LPAR1: variants seen among roughly 807,000 people sequenced by gnomAD.
LPAR1 encodes lysophosphatidic acid receptor 1.
Under a neutral mutation model 23.8 loss-of-function variants are expected in LPAR1, and 5 were observed. That is an observed-to-expected ratio of 0.21 (90% CI 0.11 to 0.44). The LOEUF is 0.44. LPAR1 is among the 20% of genes least tolerant of loss of function. The probability of loss-of-function intolerance (pLI) is 0.99; values close to 1 mark genes in which losing one functional copy is unlikely to be tolerated. For synonymous variants in LPAR1, 160 were observed against 164.7 expected (o/e 0.97, Z 0.22); for missense variants, 311 against 482.8 (o/e 0.64, Z 3.33).
chr9:110,925,509 A>G (rs989255046), intron 5 of LPAR1, among the ~76,000 whole-genome samples: 2 of 152,206 alleles, frequency 1.3e-5, no homozygotes, highest in Non-Finnish European at 2.9e-5. Flanking sequence ...CTAGAGGATG[A>G]ATTTCTGGAT....
At chr9:110,909,219 C>T (rs1195974014) in intron 5 of LPAR1, among the ~76,000 whole-genome samples, 1 of 152,228 alleles carries the variant, frequency 6.6e-6, no homozygotes, top group Non-Finnish European at 1.5e-5. Flanking sequence ...CCAAGAAAAG[C>T]CTTCTTCCTT....
At chr9:110,990,962 C>T (rs1384264385) in intron 2 of LPAR1, among the ~76,000 whole-genome samples, 3 of 152,098 alleles carry the variant, frequency 2.0e-5, no homozygotes, top group Non-Finnish European at 4.4e-5. Context: ...ATTTTCTCCA[C>T]TTTTAAATAT....
intron 5 of LPAR1, among the ~76,000 whole-genome samples, chr9:110,894,085 G>C (rs901582816): frequency 1.3e-5 from 2 of 152,062 alleles, no homozygotes; most frequent in African/African-American, 2.4e-5. Flanking sequence ...TTATTTACCA[G>C]TTTAAAACAA....
At chr9:111,021,124 G>A (rs1301603807) in intron 2 of LPAR1, among the ~76,000 whole-genome samples, 1 of 152,174 alleles carries the variant, frequency 6.6e-6, no homozygotes, top group Non-Finnish European at 1.5e-5. Flanking sequence ...ATACTGGTAA[G>A]AAAAGCTGAG....
chr9:110,918,579 G>A (rs1306372616), intron 5 of LPAR1, among the ~76,000 whole-genome samples: 1 of 152,110 alleles, frequency 6.6e-6, no homozygotes, highest in East Asian at 1.9e-4. Flanking sequence ...TCCTTGAGGT[G>A]AGTGGACAGA....
intron 5 of LPAR1, among the ~76,000 whole-genome samples, chr9:110,922,445 G>A (rs2093694206): frequency 6.6e-6 from 1 of 152,138 alleles, no homozygotes; most frequent in African/African-American, 2.4e-5. Context: ...TTTCCAATCT[G>A]AATTCAAGTT....
Position 110,930,649 on chromosome 9 carries a change from C to T in LPAR1, c.793+10772G>A, listed in dbSNP as rs901847467. Among the ~76,000 whole-genome samples the T allele has an allele frequency of 4.0e-5, 6 of 151,818 alleles. No homozygotes were observed. In the East Asian group the frequency reaches 9.7e-4, roughly 25 times the overall value. ...TCAATTAAGAAAGTGAATATTGGGC[C>T]GGGCTTGGTAGCTCCCAGCACTTTG... On this transcript the variant is annotated intron_variant, in intron 5 of 5. Coordinates refer to ENST00000683809, the MANE Select transcript of LPAR1 (RefSeq NM_001351411.2).
At chr9:110,892,795 A>G (rs2084769223) in intron 5 of LPAR1, among the ~76,000 whole-genome samples, 1 of 81,458 alleles carries the variant, frequency 1.2e-5, no homozygotes, top group African/African-American at 6.3e-5. Flanking sequence ...GAAGGAAGGA[A>G]GGAAGGAAGG....
intron 1 of LPAR1, chr9:111,037,809 G>C (rs905842620): frequency 6.6e-6 from 1 of 152,158 alleles, no homozygotes; most frequent in Non-Finnish European, 1.5e-5. Flanking sequence ...GGCCACCTAC[G>C]TGTCACTGGG....
intron 5 of LPAR1, among the ~76,000 whole-genome samples, chr9:110,930,831 CT>C (rs1413311439): frequency 2.6e-5 from 4 of 152,106 alleles, no homozygotes; most frequent in African/African-American, 9.7e-5. Context: ...AGGAGAATTT[CT>C]TGAACCCGGG....
At chr9:110,937,525 C>T (rs2094803671) in intron 5 of LPAR1, among the ~76,000 whole-genome samples, 1 of 152,118 alleles carries the variant, frequency 6.6e-6, no homozygotes, top group Non-Finnish European at 1.5e-5. Flanking sequence ...GATAACAAAT[C>T]AATAACAGTA....
intron 5 of LPAR1, among the ~76,000 whole-genome samples, chr9:110,938,477 G>A (rs2094872162): frequency 1.3e-5 from 2 of 152,114 alleles, no homozygotes; most frequent in African/African-American, 2.4e-5. Flanking sequence ...GCAATGACTT[G>A]GAAGTTAACC....
chr9:110,918,293 T>G (rs1186167112), intron 5 of LPAR1, among the ~76,000 whole-genome samples: 1 of 152,214 alleles, frequency 6.6e-6, no homozygotes, highest in African/African-American at 2.4e-5. Flanking sequence ...AGACTGTTTA[T>G]GTAAGACTGC....
At chr9:110,892,720 GAAGGGA>G (rs1223599025) in intron 5 of LPAR1, among the ~76,000 whole-genome samples, 3 of 148,348 alleles carry the variant, frequency 2.0e-5, no homozygotes, top group Non-Finnish European at 4.5e-5. Context: ...AGGGAAAGGG[GAAGGGA>G]AAGGGAAAGG....
chr9:111,020,721 C>A (rs557278941), intron 2 of LPAR1, among the ~76,000 whole-genome samples: 4 of 152,256 alleles, frequency 2.6e-5, no homozygotes, highest in African/African-American at 7.2e-5. Flanking sequence ...CTACACATTG[C>A]CAAACATTGC....
chr9:110,875,956 T>G (rs496475), intron 5 of LPAR1, among the ~76,000 whole-genome samples: 61,374 of 151,940 alleles, frequency 0.4, 12,647 homozygotes, highest in East Asian at 0.55. Flanking sequence ...TTATGAGACA[T>G]TGATGATTAT....
chr9:110,979,420 T>C (rs1316165513), intron 2 of LPAR1, among the ~76,000 whole-genome samples: 3 of 150,876 alleles, frequency 2.0e-5, no homozygotes, highest in Admixed American at 2.0e-4. Context: ...TGGGGTGGAG[T>C]GAAGTCAAAT....
Position 110,912,844 on chromosome 9 carries a change from G to A in LPAR1, c.793+28577C>T, listed in dbSNP as rs1033488332. Among the ~76,000 whole-genome samples the A allele has an allele frequency of 2.0e-5, 3 of 152,072 alleles. No individual in the cohort carries two copies. In the East Asian group the frequency reaches 5.8e-4, roughly 29 times the overall value. ...GAGAAGGGTTCCTTTCAGTTCAAAG[G>A]ATGCTAATCTTGCCTCTCTTGGGAC... On this transcript the variant is annotated intron_variant, in intron 5 of 5. Transcript: ENST00000683809.
chr9:110,883,782 T>G (rs1311132250), intron 5 of LPAR1, among the ~76,000 whole-genome samples: 1 of 152,154 alleles, frequency 6.6e-6, no homozygotes, highest in Non-Finnish European at 1.5e-5. Flanking sequence ...ATTATACAAT[T>G]TATCCCCAAA....
Sources: allele counts gnomAD v4.1 joint callset (sites outside exome capture counted in the v4.1 genomes callset), GRCh38; gene constraint gnomAD v4.1.1; transcripts MANE v1.5; gene names NCBI Gene and HGNC (gene_info 2026-07-23, HGNC 2026-07-21).